The following CXCL13 variants were observed in gnomAD, a reference collection of about 807,000 sequenced individuals.
CXCL13 encodes C-X-C motif chemokine ligand 13.
In CXCL13, 7 loss-of-function variants were observed where a neutral mutation model predicts 12.2. The observed-to-expected ratio is 0.57, with a 90% CI of 0.33 to 1.07. The LOEUF (loss-of-function observed/expected upper bound fraction) is 1.07. Ranked by LOEUF, CXCL13 falls within the 50% of genes least tolerant of loss-of-function variation. The probability of loss-of-function intolerance (pLI) is 0.04; values close to 1 mark genes in which losing one functional copy is unlikely to be tolerated. For synonymous variants in CXCL13, 47 were observed against 42.4 expected (o/e 1.11, Z -0.42); for missense variants, 113 against 127.4 (o/e 0.89, Z 0.55).
intron 1 of CXCL13, among the ~76,000 whole-genome samples, chr4:77,588,174 C>A (rs1006164737): frequency 6.6e-6 from 1 of 152,196 alleles, no homozygotes; most frequent in African/African-American, 2.4e-5. Flanking sequence ...ATTATGACAC[C>A]TACCTGAATT....
chr4:77,582,702 G>A (rs1184396503), intron 1 of CXCL13, among the ~76,000 whole-genome samples: 2 of 152,138 alleles, frequency 1.3e-5, no homozygotes, highest in African/African-American at 2.4e-5. Context: ...AAAAGCAAGG[G>A]AGATAACATG....
At chr4:77,576,241 T>C (rs114199134) in intron 1 of CXCL13, among the ~76,000 whole-genome samples, 3,014 of 152,238 alleles carry the variant, frequency 0.02, 148 homozygotes, top group African/African-American at 0.069. Context: ...AATAGAAAAC[T>C]GAAGTAATGT....
intron 1 of CXCL13, among the ~76,000 whole-genome samples, chr4:77,529,094 T>C (rs1475785193): frequency 1.3e-5 from 2 of 152,210 alleles, no homozygotes; most frequent in Non-Finnish European, 2.9e-5. Flanking sequence ...GTTGTAGATA[T>C]GTGGTATTAT....
rs771628948 is a variant in CXCL13 at position 77,607,800 on chromosome 4, G to T, written c.162G>T (p.Leu54Phe). 1 of 1,614,044 alleles carries T rather than the reference G, an allele frequency of 6.2e-7. No homozygotes were observed. The highest frequency in any genetic ancestry group is 1.7e-5 in the Admixed American group (1 of 60,020). Residue 54 changes from leucine to phenylalanine, a missense_variant, in exon 2 of 4, where the codon TTG becomes TTT. By Grantham distance (22) the Leu-to-Phe change is conservative. Transcript: ENST00000682537. ...PRRFIDRIQI[L>F]PRGNGCPRKE... ...GCTTCATTGATCGAATTCAAATCTT[G>T]CCCCGTGGGAATGGTTGTCCAAGAA...
chr4:77,519,409 G>T (rs570419559), intron 1 of CXCL13, among the ~76,000 whole-genome samples: 9 of 152,158 alleles, frequency 5.9e-5, no homozygotes, highest in African/African-American at 2.2e-4. Flanking sequence ...GGCCATCTTG[G>T]CTCCTCCCCC....
intron 1 of CXCL13, among the ~76,000 whole-genome samples, chr4:77,594,735 A>G (rs1726706022): frequency 6.6e-6 from 1 of 152,122 alleles, no homozygotes; most frequent in African/African-American, 2.4e-5. Flanking sequence ...GGAACAACAC[A>G]CACTGTTCAG....
At chr4:77,552,458 G>T (rs189498871) in intron 1 of CXCL13, among the ~76,000 whole-genome samples, 1 of 152,206 alleles carries the variant, frequency 6.6e-6, no homozygotes, top group Non-Finnish European at 1.5e-5. Context: ...GCCAGCTGTG[G>T]CCAGTACAGC....
At chr4:77,561,788 C>T (rs1216956407) in intron 1 of CXCL13, among the ~76,000 whole-genome samples, 1 of 152,228 alleles carries the variant, frequency 6.6e-6, no homozygotes, top group African/African-American at 2.4e-5. Context: ...ACTCTGGCAG[C>T]ACTTGAAGAG....
At chr4:77,596,100 G>A (rs1276469839) in intron 1 of CXCL13, among the ~76,000 whole-genome samples, 1 of 152,178 alleles carries the variant, frequency 6.6e-6, no homozygotes, top group Non-Finnish European at 1.5e-5. Flanking sequence ...ATATTACTGA[G>A]GCAGATAGAA....
chr4:77,594,582 G>C (rs1258257329), intron 1 of CXCL13, among the ~76,000 whole-genome samples: 2 of 152,148 alleles, frequency 1.3e-5, no homozygotes, highest in African/African-American at 4.8e-5. Context: ...CAGTGGCCTG[G>C]GCTCTGTTGA....
At chr4:77,536,165 G>T (rs1174788962) in intron 1 of CXCL13, among the ~76,000 whole-genome samples, 1 of 152,128 alleles carries the variant, frequency 6.6e-6, no homozygotes, top group Non-Finnish European at 1.5e-5. Context: ...AAATAGAGTG[G>T]AGTGTGGAGC....
intron 1 of CXCL13, among the ~76,000 whole-genome samples, chr4:77,591,604 A>C (rs1484520001): frequency 6.6e-6 from 1 of 151,598 alleles, no homozygotes; most frequent in African/African-American, 2.4e-5. Context: ...TATCATAATC[A>C]CCTGGGAAGT....
intron 1 of CXCL13, among the ~76,000 whole-genome samples, chr4:77,574,254 G>A (rs191985691): frequency 1.3e-5 from 2 of 151,754 alleles, no homozygotes; most frequent in Non-Finnish European, 2.9e-5. Flanking sequence ...TCCCATGAGA[G>A]GACCTATTAT....
intron 1 of CXCL13, among the ~76,000 whole-genome samples, chr4:77,521,139 T>C (rs1242882774): frequency 6.6e-6 from 1 of 152,244 alleles, no homozygotes; most frequent in Non-Finnish European, 1.5e-5. Flanking sequence ...TTGAGGATTT[T>C]CACACGGGTG....
At chr4:77,537,219 C>T (rs1294092802) in intron 1 of CXCL13, among the ~76,000 whole-genome samples, 1 of 152,204 alleles carries the variant, frequency 6.6e-6, no homozygotes, top group African/African-American at 2.4e-5. Context: ...AGTACTACTG[C>T]AACCCCTAGA....
chr4:77,608,397 G>A (rs1047733990), intron 2 of CXCL13, among the ~76,000 whole-genome samples: 21 of 151,110 alleles, frequency 1.4e-4, no homozygotes, highest in African/African-American at 3.7e-4. Flanking sequence ...CCGAGATCAC[G>A]CCATTGCACT....
chr4:77,596,916 T>G (rs1047299038), intron 1 of CXCL13, among the ~76,000 whole-genome samples: 1 of 152,060 alleles, frequency 6.6e-6, no homozygotes, highest in Non-Finnish European at 1.5e-5. Flanking sequence ...CCTAAGTGTC[T>G]ATTGATGGAA....
intron 1 of CXCL13, among the ~76,000 whole-genome samples, chr4:77,557,818 A>C (rs2109810666): frequency 6.6e-6 from 1 of 152,380 alleles, no homozygotes; most frequent in African/African-American, 2.4e-5. Flanking sequence ...TCAGTAACAC[A>C]GATGGCTAGT....
rs916235812 is a variant in CXCL13, at chr4:77,600,736, A to G, written c.-42-5088A>G. 2.0e-5 allele frequency among the ~76,000 whole-genome samples: 3 copies of G among 152,308 alleles called. No homozygotes were observed. The East Asian group carries it at 5.8e-4, about 29-fold the overall frequency. ...AATCACAGAAGGTACAAGCCCAGCC[A>G]CTGCTGAGGCCGAATGTGATCTCAT... On this transcript the variant is annotated intron_variant, in intron 1 of 4. Transcript: ENST00000286758.
Sources: allele counts gnomAD v4.1 joint callset (sites outside exome capture counted in the v4.1 genomes callset), GRCh38; gene constraint gnomAD v4.1.1; transcripts MANE v1.5; gene names NCBI Gene and HGNC (gene_info 2026-07-23, HGNC 2026-07-21).